Variants in PDK4 observed in about 807,000 individuals in gnomAD.
PDK4 encodes pyruvate dehydrogenase kinase 4, also known as pyruvate dehydrogenase kinase, isozyme 4.
Under a neutral mutation model 51.7 loss-of-function variants are expected in PDK4, and 43 were observed. That is an observed-to-expected ratio of 0.83 (90% confidence interval 0.65 to 1.07). The LOEUF is 1.07. PDK4 is among the 50% of genes least tolerant of loss of function. PDK4 has a pLI of 0.00. For missense variants in PDK4, 498 were observed against 503.5 expected (o/e 0.99, Z 0.10); for synonymous variants, 170 against 176.6 (o/e 0.96, Z 0.30).
At chr7:95,594,969 C>G in intron 2 of PDK4, 54 bp downstream of exon 2, 2 of 1,341,988 alleles carry the variant, frequency 1.5e-6, no homozygotes, top group Non-Finnish European at 1.0e-6. Context: ...TATAAGAATT[C>G]ATACCCGGGT....
intron 2 of PDK4, chr7:95,594,778 T>G (rs534043470): frequency 1.1e-5 from 3 of 278,452 alleles, no homozygotes; most frequent in Middle Eastern, 1.1e-3. Flanking sequence ...TTTTTTCAAA[T>G]TTTTCCTAGA....
rs1791469707 is a variant in PDK4, at chr7:95,585,528, T to G, written c.*113A>C. ...TTGGATCAGTGTTCTGATTAAGGAG[T>G]TTTCGTTGCTGTCGTTTGTTTTGGA... is the stretch of plus-strand genomic sequence containing the variant. On this transcript the variant is annotated 3_prime_UTR_variant, in exon 11 of 11. Coordinates refer to ENST00000005178, the MANE Select transcript of PDK4 (RefSeq NM_002612.4). 1 of 927,052 alleles carries G rather than the reference T, an allele frequency of 1.1e-6. No individual in the cohort carries two copies. The highest frequency in any genetic ancestry group is 1.6e-6 in the Non-Finnish European group (1 of 627,032). 57.4% of individuals were successfully genotyped at this position (927,052 alleles called of 1,614,324 possible).
At chr7:95,590,422 A>G (rs1400629758) in intron 6 of PDK4, among the ~76,000 whole-genome samples, 1 of 152,186 alleles carries the variant, frequency 6.6e-6, no homozygotes, top group Non-Finnish European at 1.5e-5. Context: ...GCTTTTTGGA[A>G]AGAAAAATAA....
chr7:95,592,857 G>T lies in PDK4; in HGVS notation c.432C>A (p.Ala144=), dbSNP rs759970557. The change falls in exon 4 of 11, where the codon GCC becomes GCA. Residue 144 remains alanine (A), a synonymous_variant. Transcript: ENST00000005178. ...MAQGIIEYKD[A]CTVDPVTNQN... ...GATTGGTGACTGGGTCAACTGTACA[G>T]GCATCTTTATACTCTATGATTCCTT... is the stretch of plus-strand genomic sequence containing the variant. 20 of 1,611,688 alleles carry T rather than the reference G, an allele frequency of 1.2e-5. No homozygotes were observed. The highest frequency in any genetic ancestry group is 1.6e-5 in the Non-Finnish European group (19 of 1,177,996).
intron 3 of PDK4, 149 bp downstream of exon 3, chr7:95,593,550 A>G: frequency 2.1e-6 from 1 of 479,838 alleles, no homozygotes. Flanking sequence ...CGCTTCTGAA[A>G]AACCAACAAG....
Position 95,592,019 on chromosome 7 carries a change from T to A in PDK4, c.663A>T (p.Ser221=). 6.4e-7 allele frequency: 1 copy of A among 1,574,672 alleles called. No individual in the cohort carries two copies. The highest frequency in any genetic ancestry group is 8.6e-7 in the Non-Finnish European group (1 of 1,156,446). Residue 221 remains serine (S), a synonymous_variant, in exon 6 of 11, where the codon TCA becomes TCT. Coordinates refer to ENST00000005178, the MANE Select transcript of PDK4 (RefSeq NM_002612.4). ...CTTGTGTAAGCTTTAATTCTGGAGA[T>A]GATAAATAATACTGATCACAGAGCA... The part of the protein sequence containing the change: ...SRMLCDQYYL[S]SPELKLTQVN...
Position 95,595,089 on chromosome 7 carries a change from A to G in PDK4, c.206T>C (p.Leu69Pro), listed in dbSNP as rs1410075898. 1.2e-6 allele frequency: 2 copies of G among 1,612,830 alleles called. No individual in the cohort carries two copies. Among genetic ancestry groups the G allele is most frequent in the Non-Finnish European group, 1.7e-6 (2 of 1,178,858 alleles). The stretch of plus-strand genomic sequence containing the variant: ...GGTCGGGAGGATATCAATTTCCTTC[A>G]GAATGTTGGCGAGTCTCACAGGCAA... ...QELPVRLANI[L>P]KEIDILPTQL... The change falls in exon 2 of 11, where the codon CTG (leucine) becomes CCG (proline). Residue 69 changes from leucine (L) to proline (P), a missense_variant. Coordinates refer to ENST00000005178, the MANE Select transcript of PDK4 (RefSeq NM_002612.4).
At chr7:95,586,799 C>T (rs1165350086) in intron 10 of PDK4, 4 of 434,006 alleles carry the variant, frequency 9.2e-6, no homozygotes, top group Non-Finnish European at 1.6e-5. Flanking sequence ...TTTTGCTTCA[C>T]TTGAGGCAGG....
At position 95,583,747 on chromosome 7, in the gene PDK4, G is replaced by A. The variant is rs6930; in HGVS notation, c.*1894C>T. ...AACATTTCTTTTTTCTAGTGTTTTA[G>A]AGATAGTTCACAGTATTTGAGTTAA... is the stretch of plus-strand genomic sequence containing the variant. On this transcript the variant is annotated 3_prime_UTR_variant, in exon 11 of 11. Coordinates refer to ENST00000005178, the MANE Select transcript of PDK4 (RefSeq NM_002612.4). 0.54 allele frequency: 82,453 copies of A among 152,388 alleles called. 23,296 individuals are homozygous for A. The highest frequency in any genetic ancestry group is 0.83 in the East Asian group (4,311 of 5,176). The allele number at this position is 152,388 out of a possible 1,614,324, so 9.4% of individuals were successfully genotyped here. A position where few individuals can be genotyped will look rare whatever the true frequency, so the allele number is the denominator to read the frequency against.
At position 95,596,184 on chromosome 7, in the gene PDK4, A is replaced by C; in HGVS notation, c.110T>G (p.Met37Arg). The C allele has an allele frequency of 6.2e-7, 1 of 1,603,758 alleles. No individual in the cohort carries two copies. The change falls in exon 1 of 11, where the codon ATG (methionine) becomes AGG (arginine). Residue 37 changes from methionine (M) to arginine (R), a missense_variant. Coordinates refer to ENST00000005178, the MANE Select transcript of PDK4 (RefSeq NM_002612.4). ...FSRYSPSPLS[M>R]KQLLDFGSEN... ...CTCACCAAAGTCCAGTAGCTGCTTC[A>C]TGGACAGCGGGGACGGGCTGTAGCG... is the stretch of plus-strand genomic sequence containing the variant.
chr7:95,591,928 A>G (rs1484293128), intron 6 of PDK4, 60 bp downstream of exon 6: 1 of 869,014 alleles, frequency 1.2e-6, no homozygotes, highest in Non-Finnish European at 1.8e-6. Context: ...ACAAAAAGCA[A>G]TAATATTAGG....
Position 95,587,774 on chromosome 7 carries a change from G to A in PDK4, c.823C>T (p.Pro275Ser), listed in dbSNP as rs781496457. ...EHQENQPSLT[P>S]IEVIVVLGKE... is the part of the protein sequence containing the mutation. ...CCCAAGACAACAATAACCTCTATTG[G>A]TGTAAGGGAAGGCTGATTTTCCTGG... Residue 275 changes from proline (P) to serine (S), a missense_variant, in exon 8 of 11, where the codon CCA becomes TCA. Coordinates refer to ENST00000005178, the MANE Select transcript of PDK4 (RefSeq NM_002612.4). 9.3e-6 allele frequency: 15 copies of A among 1,613,072 alleles called. No homozygotes were observed. The East Asian group carries it at 2.7e-4, about 29-fold the overall frequency.
At chr7:95,593,249 T>C (rs1440365857) in intron 3 of PDK4, among the ~76,000 whole-genome samples, 3 of 152,098 alleles carry the variant, frequency 2.0e-5, no homozygotes, top group Admixed American at 2.0e-4. Context: ...TAATATCTAA[T>C]ATCATCATTC....
chr7:95,584,363 A>G lies in PDK4; in HGVS notation c.*1278T>C, dbSNP rs1791452965. 1 of 147,038 alleles carries G rather than the reference A, an allele frequency of 6.8e-6. No homozygotes were observed. Among genetic ancestry groups the G allele is most frequent in the African/African-American group, 2.7e-5 (1 of 36,886 alleles). The allele number at this position is 147,038 out of a possible 1,614,324, so 9.1% of individuals were successfully genotyped here. A position where few individuals can be genotyped will look rare whatever the true frequency, so the allele number is the denominator to read the frequency against. ...CCTTCCTGCCTTCTTTCATTTTTCC[A>G]TTTCTTCTTCTCTAAGAGTAATCAG... On this transcript the variant is annotated 3_prime_UTR_variant, in exon 11 of 11. Coordinates refer to ENST00000005178, the MANE Select transcript of PDK4 (RefSeq NM_002612.4).
At position 95,585,762 on chromosome 7, in the gene PDK4, A is replaced by G. The variant is rs1791473530; in HGVS notation, c.1115T>C (p.Ile372Thr). The part of the protein sequence containing the change: ...IYLKALSSES[I>T]EKLPVFNKSA... ...CTTGTTAAAAACTGGAAGTTTTTCT[A>G]TAGACTCAGAAGACAAAGCCTAAAA... is the stretch of plus-strand genomic sequence containing the variant. The change falls in exon 11 of 11, where the codon ATA (isoleucine) becomes ACA (threonine). Residue 372 changes from isoleucine to threonine, a missense_variant. Transcript: ENST00000005178. The G allele has an allele frequency of 6.3e-7, 1 of 1,598,070 alleles. No homozygotes were observed. Among genetic ancestry groups the G allele is most frequent in the South Asian group, 1.1e-5 (1 of 89,498 alleles).
At position 95,596,473 on chromosome 7, in the gene PDK4, G is replaced by T; in HGVS notation, c.-180C>A. 1.8e-6 allele frequency: 1 copy of T among 568,272 alleles called. No homozygotes were observed. The highest frequency in any genetic ancestry group is 2.8e-6 in the Non-Finnish European group (1 of 361,330). The allele number at this position is 568,272 out of a possible 1,614,324, so 35.2% of individuals were successfully genotyped here. On this transcript the variant is annotated 5_prime_UTR_variant, in exon 1 of 11. Coordinates refer to ENST00000005178, the MANE Select transcript of PDK4 (RefSeq NM_002612.4). ...GGGTGCCGCGGAGTGAAGAGTCTGGGCAGAGTCGGAGATGCAGTGGTTCGA... is the reference window on the plus strand; with the variant it reads ...GGGTGCCGCGGAGTGAAGAGTCTGGTCAGAGTCGGAGATGCAGTGGTTCGA...
chr7:95,596,435 G>A lies in PDK4; in HGVS notation c.-142C>T. ...TGGCTGGCTTGTGCGCCCCGGCCTG[G>A]GCTGGGGTTTGAGGGTGCCGCGGAG... On this transcript the variant is annotated 5_prime_UTR_variant, in exon 1 of 11. Transcript: ENST00000005178. 9.8e-6 allele frequency: 9 copies of A among 918,808 alleles called. No homozygotes were observed. Among genetic ancestry groups the A allele is most frequent in the Non-Finnish European group, 1.4e-5 (9 of 656,346 alleles). The allele number at this position is 918,808 out of a possible 1,614,324, so 56.9% of individuals were successfully genotyped here. A position where few individuals can be genotyped will look rare whatever the true frequency, so the allele number is the denominator to read the frequency against.
rs994375952 is a variant in PDK4, at chr7:95,583,979, A to C, written c.*1662T>G. 2.0e-5 allele frequency: 3 copies of C among 152,214 alleles called. No individual in the cohort carries two copies. Among genetic ancestry groups the C allele is most frequent in the Non-Finnish European group, 2.9e-5 (2 of 68,024 alleles). 9.4% of individuals were successfully genotyped at this position (152,214 alleles called of 1,614,324 possible). A position where few individuals can be genotyped will look rare whatever the true frequency, so the allele number is the denominator to read the frequency against. On this transcript the variant is annotated 3_prime_UTR_variant, in exon 11 of 11. Coordinates refer to ENST00000005178, the MANE Select transcript of PDK4 (RefSeq NM_002612.4). The stretch of plus-strand genomic sequence containing the variant: ...GATAAAAACTGAAATCCACAAAAAA[A>C]TAGTTGAGCTTCTATTACCATTACC...
chr7:95,591,685 C>T (rs935606257), intron 6 of PDK4, among the ~76,000 whole-genome samples: 9 of 152,102 alleles, frequency 5.9e-5, no homozygotes, highest in African/African-American at 2.2e-4. Flanking sequence ...CTCTTTATCC[C>T]TCATATTCTA....
Sources: allele counts gnomAD v4.1 joint callset (sites outside exome capture counted in the v4.1 genomes callset), GRCh38; gene constraint gnomAD v4.1.1; transcripts MANE v1.5; gene names NCBI Gene and HGNC (gene_info 2026-07-23, HGNC 2026-07-21).